Variants in CD109 observed in about 807,000 individuals in gnomAD.
CD109 encodes CD109 antigen.
A neutral mutation model predicts 165.8 loss-of-function variants in CD109; 149 were observed. The ratio of observed to expected loss-of-function variants is 0.90; its 90% CI spans 0.79 to 1.03. The LOEUF is 1.03. Ranked by LOEUF, CD109 falls within the 50% of genes least tolerant of loss-of-function variation. CD109 has a pLI of 0.00. For missense variants in CD109, 1,712 were observed against 1,677.8 expected, an observed-to-expected ratio of 1.02 and a Z score of -0.36; for synonymous variants, 585 against 592.1, an observed-to-expected ratio of 0.99 and a Z score of 0.18.
intron 26 of CD109, 30 bp downstream of exon 26, chr6:73,808,278 A>G: frequency 6.3e-7 from 1 of 1,580,846 alleles, no homozygotes; most frequent in Non-Finnish European, 8.6e-7. Flanking sequence ...TGAGGTTGTT[A>G]TGCTTTATGA....
At chr6:73,680,599 C>T in the CD109 span, among the ~76,000 whole-genome samples, 2 of 152,170 alleles carry the variant, frequency 1.3e-5, no homozygotes, top group African/African-American at 4.8e-5. Context: ...CGTAGCTGGC[C>T]AATCTTGCCC....
At chr6:73,725,079 C>T (rs2150171970) in intron 3 of CD109, among the ~76,000 whole-genome samples, 1 of 152,120 alleles carries the variant, frequency 6.6e-6, no homozygotes, top group East Asian at 1.9e-4. Flanking sequence ...AAATATACTG[C>T]TGCTAATAAT....
chr6:73,680,731 A>T, the CD109 span, among the ~76,000 whole-genome samples: 1 of 152,218 alleles, frequency 6.6e-6, no homozygotes, highest in Non-Finnish European at 1.5e-5. Flanking sequence ...CAGGGCTGCT[A>T]CAACTGCTTA....
chr6:73,822,553 T>C (rs1776139102), intron 32 of CD109, among the ~76,000 whole-genome samples: 1 of 152,214 alleles, frequency 6.6e-6, no homozygotes, highest in African/African-American at 2.4e-5. Flanking sequence ...TGGAATACAC[T>C]GTGGAGACCC....
rs1339262804 is a variant in CD109, at chr6:73,808,077, T to C, written c.3190-6T>C. On this transcript the variant is annotated splice_polypyrimidine_tract_variant and splice_region_variant and intron_variant, in intron 25 of 32. Coordinates refer to ENST00000287097, the MANE Select transcript of CD109 (RefSeq NM_133493.5). ...ATAGTAAAAAACATACTTTTTTTCT[T>C]CCAAGCCTAACATTGATGTGCAAGA... The C allele has an allele frequency of 3.1e-6, 5 of 1,611,836 alleles. No homozygotes were observed. The highest frequency in any genetic ancestry group is 4.2e-6 in the Non-Finnish European group (5 of 1,179,082).
chr6:73,762,965 T>A (rs1465375849), intron 9 of CD109, 83 bp downstream of exon 9: 1 of 1,216,866 alleles, frequency 8.2e-7, no homozygotes, highest in Non-Finnish European at 1.1e-6. Context: ...CACTTTCATT[T>A]GGGAGCATCA....
chr6:73,725,756 G>A (rs1180286805), intron 3 of CD109, among the ~76,000 whole-genome samples: 1 of 151,876 alleles, frequency 6.6e-6, no homozygotes, highest in African/African-American at 2.4e-5. Context: ...CAAGTAATCC[G>A]CCTGCCTCGG....
chr6:73,721,404 G>T (rs1338128529), intron 2 of CD109, among the ~76,000 whole-genome samples: 1 of 148,198 alleles, frequency 6.7e-6, no homozygotes, highest in Non-Finnish European at 1.5e-5. Context: ...TCCCTCTGTA[G>T]CCCAGGCTGG....
intron 5 of CD109, among the ~76,000 whole-genome samples, chr6:73,751,204 T>C (rs1342007680): frequency 6.6e-6 from 1 of 152,232 alleles, no homozygotes; most frequent in African/African-American, 2.4e-5. Flanking sequence ...TATGGTTCAA[T>C]GTAATACTGT....
rs1392878945 is a variant in CD109 at position 73,807,024 on chromosome 6, A to G, written c.3141A>G (p.Thr1047=). ...AAGGTGGCAATAAAAGTCCAGTAAC[A>G]CTTACAGCCTATATTGTAACTTCTC... ...ELQGGNKSPV[T]LTAYIVTSLL... The change falls in exon 25 of 33, where the codon ACA becomes ACG. Residue 1047 remains threonine (T), a synonymous_variant. Transcript: ENST00000287097. 1 of 1,613,974 alleles carries G rather than the reference A, an allele frequency of 6.2e-7. No individual in the cohort carries two copies. Among genetic ancestry groups the G allele is most frequent in the Non-Finnish European group, 8.5e-7 (1 of 1,179,902 alleles).
At chr6:73,803,412 T>G in intron 24 of CD109, 111 bp downstream of exon 24, 1 of 691,490 alleles carries the variant, frequency 1.4e-6, no homozygotes, top group South Asian at 1.8e-5. Flanking sequence ...ACTGGGAGGT[T>G]GCTTTTTCCT....
Position 73,792,781 on chromosome 6 carries a change from G to C in CD109, c.2857G>C (p.Ala953Pro), listed in dbSNP as rs1474713620. ...KQLTDNLKEK[A>P]LSFMRQGYQR... The stretch of plus-strand genomic sequence containing the variant: ...ACTGACAGATAATTTGAAAGAAAAA[G>C]CTCTTTCATTTATGAGGCAAGGTAA... The change falls in exon 23 of 33, where the codon GCT becomes CCT. Residue 953 changes from alanine (A) to proline (P), a missense_variant. Coordinates refer to ENST00000287097, the MANE Select transcript of CD109 (RefSeq NM_133493.5). 6.2e-7 allele frequency: 1 copy of C among 1,609,154 alleles called. No homozygotes were observed. The highest frequency in any genetic ancestry group is 1.3e-5 in the African/African-American group (1 of 74,640).
chr6:73,704,091 A>G (rs1478554140), intron 2 of CD109, among the ~76,000 whole-genome samples: 1 of 151,514 alleles, frequency 6.6e-6, no homozygotes, highest in East Asian at 1.9e-4. Context: ...AGGCTGAGGC[A>G]GGAGAATCGC....
At chr6:73,738,732 T>G (rs917736125) in intron 5 of CD109, among the ~76,000 whole-genome samples, 4 of 152,236 alleles carry the variant, frequency 2.6e-5, no homozygotes, top group Admixed American at 6.5e-5. Context: ...TCTTGTAAAG[T>G]GCCGCCCTTC....
At chr6:73,791,192 CATATATATATAT>C (rs58117133) in intron 22 of CD109, among the ~76,000 whole-genome samples, 1 of 69,234 alleles carries the variant, frequency 1.4e-5, no homozygotes, top group South Asian at 5.6e-4. Flanking sequence ...CACACACATA[CATATATATATAT>C]ATATATATAT....
At chr6:73,742,523 T>A (rs1028111263) in intron 5 of CD109, among the ~76,000 whole-genome samples, 3 of 152,242 alleles carry the variant, frequency 2.0e-5, no homozygotes, top group African/African-American at 7.2e-5. Context: ...CCAGGAGGCA[T>A]CTGGCCAGAG....
At chr6:73,782,844 A>G in intron 18 of CD109, 89 bp downstream of exon 18, 2 of 1,289,174 alleles carry the variant, frequency 1.6e-6, no homozygotes, top group Non-Finnish European at 2.2e-6. Context: ...GTTTAAGTAC[A>G]AACATAGTGT....
Position 73,805,793 on chromosome 6 carries a change from T to G in CD109, c.2961-1051T>G, listed in dbSNP as rs139877907. ...AGCATCTGTTTAACAAGGCACATCT[T>G]ACACAGCCCTTAATCCATTTAACCC... On this transcript the variant is annotated intron_variant, in intron 24 of 32. Transcript: ENST00000287097. 5.5e-4 allele frequency among the ~76,000 whole-genome samples: 83 copies of G among 152,276 alleles called. 1 individual carries two copies. Among genetic ancestry groups the G allele is most frequent in the African/African-American group, 1.9e-3 (80 of 41,564 alleles).
At position 73,787,361 on chromosome 6, in the gene CD109, T is replaced by C. The variant is rs766749640; in HGVS notation, c.2465T>C (p.Ile822Thr). Residue 822 changes from isoleucine to threonine, a missense_variant, in exon 21 of 33, where the codon ATC becomes ACC. Transcript: ENST00000287097. ...GATGGGGCAACTGTTCTTTTTCCCATCAGGCCAACACATCTGGGAGAAATT... is the reference window on the plus strand; with the variant it reads ...GATGGGGCAACTGTTCTTTTTCCCACCAGGCCAACACATCTGGGAGAAATT... ...SEDGATVLFP[I>T]RPTHLGEIPI... 12 of 1,613,956 alleles carry C rather than the reference T, an allele frequency of 7.4e-6. No homozygotes were observed. Among genetic ancestry groups the C allele is most frequent in the African/African-American group, 1.3e-5 (1 of 74,902 alleles).
Sources: gnomAD v4.1 joint callset for allele counts (sites outside exome capture counted in the v4.1 genomes callset) on GRCh38, gnomAD v4.1.1 for gene constraint, MANE v1.5 for transcripts, NCBI Gene and HGNC (gene_info 2026-07-23, HGNC 2026-07-21) for gene names.